Variants in COL6A6 observed in about 807,000 individuals in gnomAD.
The protein encoded by COL6A6 is collagen alpha-6(VI) chain.
Under a neutral mutation model 208.6 loss-of-function variants are expected in COL6A6, and 183 were observed. That is an observed-to-expected ratio of 0.88 (90% CI 0.78 to 0.99). The LOEUF is 0.99. COL6A6 is among the 50% of genes least tolerant of loss of function. COL6A6 has a pLI of 0.00. For synonymous variants in COL6A6, 973 were observed against 1,011.8 expected, an observed-to-expected ratio of 0.96 and a Z score of 0.73; for missense variants, 2,816 against 2,815.2, an observed-to-expected ratio of 1.00 and a Z score of -0.01.
intron 1 of COL6A6, among the ~76,000 whole-genome samples, chr3:130,545,503 G>C (rs968762175): frequency 2.8e-4 from 42 of 150,572 alleles, no homozygotes; most frequent in Non-Finnish European, 5.3e-4. Flanking sequence ...GCCCAGGCTG[G>C]AGTGCAGTGG....
chr3:130,545,036 TTTTA>T lies in COL6A6; in HGVS notation c.-31-15286_-31-15283del, dbSNP rs141657088. Among the ~76,000 whole-genome samples, 711 of 152,352 alleles carry T rather than the reference TTTTA, an allele frequency of 4.7e-3. 11 individuals are homozygous for T. Among genetic ancestry groups the T allele is most frequent in the African/African-American group, 0.016 (659 of 41,582 alleles). On this transcript the variant is annotated intron_variant, in intron 1 of 36. Coordinates refer to ENST00000358511, the MANE Select transcript of COL6A6 (RefSeq NM_001102608.3). Reference sequence around the variant, plus strand: ...TTAGTTTGATGTATGCCCATCTATTTTTTATTTATTTATTTTTGCCTTTGCAGCC... The same window carrying T: ...TTAGTTTGATGTATGCCCATCTATTTTTTATTTATTTTTGCCTTTGCAGCC...
intron 1 of COL6A6, among the ~76,000 whole-genome samples, chr3:130,538,362 T>C (rs1188876949): frequency 1.3e-5 from 2 of 152,136 alleles, no homozygotes; most frequent in African/African-American, 4.8e-5. Flanking sequence ...AGGAAAGACT[T>C]TAGGAGAGAG....
In COL6A6 at chr3:130,581,922, T is replaced by C. The variant is rs370147849; in HGVS notation, c.3891+18T>C. 6.3e-6 allele frequency: 10 copies of C among 1,597,776 alleles called. No individual in the cohort carries two copies. In the African/African-American group the frequency reaches 1.2e-4, roughly 19 times the overall value. On this transcript the variant is annotated intron_variant, in intron 9 of 36. Transcript: ENST00000358511. ...GAGGAAAGGTAACATGGATTTATCT[T>C]ATTTGTTGGTCTATGATTGCAATGA...
chr3:130,675,395 TA>T lies in COL6A6; in HGVS notation c.*5del, dbSNP rs747090655. 1.9e-6 allele frequency: 3 copies of T among 1,569,136 alleles called. No homozygotes were observed. The highest frequency in any genetic ancestry group is 1.9e-5 in the Admixed American group (1 of 51,752). On this transcript the variant is annotated frameshift_variant and stop_lost, in exon 37 of 37. Coordinates refer to ENST00000358511, the MANE Select transcript of COL6A6 (RefSeq NM_001102608.3). LOFTEE classifies it high-confidence loss of function. ...MIESAPKQHD[*>X] ...AGAAAGTGCTCCCAAACAACATGAT[TA>T]AAAAAATGCTTGAACAACTTAGCCT...
chr3:130,665,235 A>G (rs2066045510), intron 36 of COL6A6, 139 bp downstream of exon 36: 2 of 577,528 alleles, frequency 3.5e-6, no homozygotes, highest in East Asian at 6.1e-5. Context: ...ATTAAAATAT[A>G]ATTCGAAGGA....
chr3:130,662,458 T>C, intron 35 of COL6A6, 150 bp downstream of exon 35: 1 of 734,986 alleles, frequency 1.4e-6, no homozygotes, highest in East Asian at 2.5e-5. Context: ...TAATGACGGA[T>C]GGTAGAAGGG....
intron 12 of COL6A6, among the ~76,000 whole-genome samples, chr3:130,589,735 AT>A (rs2063629020): frequency 6.6e-6 from 1 of 152,232 alleles, no homozygotes; most frequent in South Asian, 2.1e-4. Flanking sequence ...TGATTCATAT[AT>A]TTCCTAACCA....
intron 20 of COL6A6, among the ~76,000 whole-genome samples, chr3:130,604,681 C>T (rs574650158): frequency 6.6e-6 from 1 of 152,242 alleles, no homozygotes; most frequent in Admixed American, 6.5e-5. Flanking sequence ...TGGAAGGGAA[C>T]AGGAACTCAA....
intron 1 of COL6A6, among the ~76,000 whole-genome samples, chr3:130,519,904 T>C (rs1201805984): frequency 6.6e-6 from 1 of 152,250 alleles, no homozygotes; most frequent in Admixed American, 6.5e-5. Flanking sequence ...TCAAATACTT[T>C]GTTTCCATGG....
At chr3:130,558,653 T>C (rs2062817843) in intron 1 of COL6A6, among the ~76,000 whole-genome samples, 1 of 152,296 alleles carries the variant, frequency 6.6e-6, no homozygotes, top group Non-Finnish European at 1.5e-5. Context: ...ACTTTTGACA[T>C]TGGCCCTATG....
rs139449852 is a variant in COL6A6 at position 130,570,054 on chromosome 3, A to C, written c.2402-764A>C. 4.2e-3 allele frequency among the ~76,000 whole-genome samples: 634 copies of C among 152,330 alleles called. 5 individuals carry two copies. The highest frequency in any genetic ancestry group is 0.015 in the African/African-American group (610 of 41,576). On this transcript the variant is annotated intron_variant, in intron 6 of 36. Coordinates refer to ENST00000358511, the MANE Select transcript of COL6A6 (RefSeq NM_001102608.3). ...AGGACTAAATAACAAACCATCTTAC[A>C]ATTCCCCTTCTCCAGAATGGATGAG... is the stretch of plus-strand genomic sequence containing the variant.
chr3:130,523,637 G>C (rs975290661), intron 1 of COL6A6, among the ~76,000 whole-genome samples: 1 of 152,184 alleles, frequency 6.6e-6, no homozygotes, highest in Non-Finnish European at 1.5e-5. Flanking sequence ...ATTCAGCAAG[G>C]TAGAACTAGG....
At chr3:130,625,982 G>C (rs1274792307) in intron 24 of COL6A6, among the ~76,000 whole-genome samples, 2 of 152,076 alleles carry the variant, frequency 1.3e-5, no homozygotes, top group African/African-American at 2.4e-5. Flanking sequence ...CTGTAAACCT[G>C]TGTTGATTTC....
chr3:130,541,236 G>A (rs1037406655), intron 1 of COL6A6, among the ~76,000 whole-genome samples: 4 of 152,220 alleles, frequency 2.6e-5, no homozygotes, highest in East Asian at 1.9e-4. Flanking sequence ...GATCATTGGA[G>A]AAATGAAAAT....
chr3:130,659,655 C>T (rs189519064), intron 34 of COL6A6, among the ~76,000 whole-genome samples: 1 of 152,324 alleles, frequency 6.6e-6, no homozygotes, highest in African/African-American at 2.4e-5. Flanking sequence ...CAGGGCTTCA[C>T]AGCCATATTA....
Position 130,662,021 on chromosome 3 carries a change from T to C in COL6A6, c.6215T>C (p.Val2072Ala), listed in dbSNP as rs1057350825. The change falls in exon 35 of 37, where the codon GTA (valine) becomes GCA (alanine). Residue 2072 changes from valine (V) to alanine (A), a missense_variant. Transcript: ENST00000358511. ...GHALQWTLDN[V>A]FLSTPNLRRN... ...GCCTTACAGTGGACTCTGGACAATG[T>C]ATTTTTAAGTACACCCAATCTGAGA... 2 of 1,613,824 alleles carry C rather than the reference T, an allele frequency of 1.2e-6. No individual in the cohort carries two copies. The highest frequency in any genetic ancestry group is 1.3e-5 in the African/African-American group (1 of 74,900).
At chr3:130,589,768 T>A (rs1298183365) in intron 12 of COL6A6, among the ~76,000 whole-genome samples, 1 of 152,240 alleles carries the variant, frequency 6.6e-6, no homozygotes, top group Admixed American at 6.5e-5. Flanking sequence ...TGTACCCTTA[T>A]GTGAAAATAT....
At position 130,556,822 on chromosome 3, in the gene COL6A6, C is replaced by T. The variant is rs1440542476; in HGVS notation, c.-31-3512C>T. The stretch of plus-strand genomic sequence containing the variant: ...CAAGTTTTGACCCAGAAAGGATCAG[C>T]GCTGAAGACATGCTCCCTCCCTTGC... On this transcript the variant is annotated intron_variant, in intron 1 of 36. Coordinates refer to ENST00000358511, the MANE Select transcript of COL6A6 (RefSeq NM_001102608.3). 3.3e-5 allele frequency among the ~76,000 whole-genome samples: 5 copies of T among 152,148 alleles called. 1 individual carries two copies. Among genetic ancestry groups the T allele is most frequent in the African/African-American group, 4.8e-5 (2 of 41,428 alleles).
rs1216635946 is a variant in COL6A6, at chr3:130,586,534, G to A, written c.3999G>A (p.Leu1333=). The change falls in exon 11 of 37, where the codon CTG becomes CTA. Residue 1333 remains leucine, a synonymous_variant. Coordinates refer to ENST00000358511, the MANE Select transcript of COL6A6 (RefSeq NM_001102608.3). ...EGLNALITVA[L]DGPADSSDLA... ...TGAATGCCCTCATAACTGTTGCTCT[G>A]GATGGACCTGCTGATTCAAGTGACT... 4.3e-6 allele frequency: 7 copies of A among 1,613,630 alleles called. No individual in the cohort carries two copies. The highest frequency in any genetic ancestry group is 4.0e-5 in the African/African-American group (3 of 74,878).
Sources: allele counts gnomAD v4.1 joint callset (sites outside exome capture counted in the v4.1 genomes callset), GRCh38; gene constraint gnomAD v4.1.1; transcripts MANE v1.5; gene names NCBI Gene and HGNC (gene_info 2026-07-23, HGNC 2026-07-21).